Variants in NRF1 observed in about 807,000 individuals in gnomAD.
The protein encoded by NRF1 is nuclear respiratory factor 1.
In NRF1, 5 loss-of-function variants were observed where a neutral mutation model predicts 58.5. The ratio of observed to expected loss-of-function variants is 0.09; its 90% confidence interval spans 0.04 to 0.18. NRF1 has a LOEUF of 0.18. Ranked by LOEUF, NRF1 falls within the 10% of genes least tolerant of loss-of-function variation. The pLI, the probability that NRF1 is intolerant of heterozygous loss-of-function variation, is 1.00. For missense variants in NRF1, 288 were observed against 657.7 expected (o/e 0.44, Z 6.15); for synonymous variants, 224 against 246.7 (o/e 0.91, Z 0.86).
intron 1 of NRF1, among the ~76,000 whole-genome samples, chr7:129,625,796 C>T (rs1415285579): frequency 1.3e-5 from 2 of 151,464 alleles, no homozygotes; most frequent in Non-Finnish European, 1.5e-5. Flanking sequence ...ATTCTCCTGC[C>T]TCAGCCTCCC....
chr7:129,641,556 C>A (rs546413306), intron 1 of NRF1, among the ~76,000 whole-genome samples: 6 of 152,150 alleles, frequency 3.9e-5, no homozygotes, highest in Non-Finnish European at 8.8e-5. Flanking sequence ...TTATTGCATT[C>A]GCTTTCTCTG....
chr7:129,693,567 C>T (rs1219472455), intron 5 of NRF1, among the ~76,000 whole-genome samples: 1 of 151,690 alleles, frequency 6.6e-6, no homozygotes, highest in Non-Finnish European at 1.5e-5. Flanking sequence ...AGCTCATTGG[C>T]TGTTATTAAT....
rs143078701 is a variant in NRF1 at position 129,725,099 on chromosome 7, G to A, written c.1224-2142G>A. ...CATCGAGGCAGAAAGTAGAATGGTGGTTGCCAGGGGCTAGGGAGATGGTAG... is the reference window on the plus strand; with the variant it reads ...CATCGAGGCAGAAAGTAGAATGGTGATTGCCAGGGGCTAGGGAGATGGTAG... On this transcript the variant is annotated intron_variant, in intron 9 of 10. Transcript: ENST00000393232. Among the ~76,000 whole-genome samples the A allele has an allele frequency of 5.9e-3, 897 of 152,244 alleles. 4 individuals carry two copies. The highest frequency in any genetic ancestry group is 0.024 in the Middle Eastern group (7 of 294).
At chr7:129,751,436 C>T (rs1359486515) in intron 10 of NRF1, among the ~76,000 whole-genome samples, 1 of 152,218 alleles carries the variant, frequency 6.6e-6, no homozygotes, top group African/African-American at 2.4e-5. Flanking sequence ...GCATTAGAAC[C>T]TTGCTTCATT....
intron 5 of NRF1, among the ~76,000 whole-genome samples, chr7:129,697,406 G>T (rs937648005): frequency 6.6e-6 from 1 of 151,868 alleles, no homozygotes; most frequent in Non-Finnish European, 1.5e-5. Context: ...AAATCAGCCC[G>T]GTGTGCTGGC....
chr7:129,744,791 T>G (rs1034793890), intron 10 of NRF1, among the ~76,000 whole-genome samples: 1 of 152,118 alleles, frequency 6.6e-6, no homozygotes, highest in Admixed American at 6.5e-5. Flanking sequence ...AAAGTTTTAG[T>G]TTTTTTGTGG....
At position 129,710,236 on chromosome 7, in the gene NRF1, G is replaced by A. The variant is rs537710645; in HGVS notation, c.766-138G>A. 3.6e-5 allele frequency: 25 copies of A among 695,712 alleles called. No individual in the cohort carries two copies. The South Asian group carries it at 4.2e-4, about 12-fold the overall frequency. 43.1% of individuals were successfully genotyped at this position (695,712 alleles called of 1,614,324 possible). A position where few individuals can be genotyped will look rare whatever the true frequency, so the allele number is the denominator to read the frequency against. Reference sequence around the variant, plus strand: ...TTCTTTCTACCAGAACCAGTCTGTGGGAGGTAATCCTAGGAGAGTCTAATA... The same window carrying A: ...TTCTTTCTACCAGAACCAGTCTGTGAGAGGTAATCCTAGGAGAGTCTAATA... On this transcript the variant is annotated intron_variant, in intron 6 of 10. Coordinates refer to ENST00000393232, the MANE Select transcript of NRF1 (RefSeq NM_005011.5).
chr7:129,694,046 G>C (rs1802630367), intron 5 of NRF1, among the ~76,000 whole-genome samples: 2 of 152,208 alleles, frequency 1.3e-5, no homozygotes, highest in South Asian at 2.1e-4. Context: ...GTAGAGCTTG[G>C]TGTGCTGGTG....
At chr7:129,634,259 C>T (rs147916521) in intron 1 of NRF1, among the ~76,000 whole-genome samples, 1 of 152,120 alleles carries the variant, frequency 6.6e-6, no homozygotes, top group African/African-American at 2.4e-5. Context: ...CAAGTTCATT[C>T]TGTGTGTTTG....
chr7:129,670,243 G>A (rs190953834), intron 2 of NRF1, among the ~76,000 whole-genome samples: 5 of 152,292 alleles, frequency 3.3e-5, no homozygotes, highest in African/African-American at 4.8e-5. Context: ...CTGGATAGCC[G>A]TACAACATTG....
intron 1 of NRF1, among the ~76,000 whole-genome samples, chr7:129,636,214 T>TTAA (rs1801165736): frequency 2.0e-5 from 3 of 152,048 alleles, no homozygotes. Flanking sequence ...ATCATCCTGT[T>TTAA]TTTGTTCAAT....
At chr7:129,734,491 C>T (rs905263024) in intron 10 of NRF1, among the ~76,000 whole-genome samples, 2 of 152,192 alleles carry the variant, frequency 1.3e-5, no homozygotes, top group Non-Finnish European at 2.9e-5. Flanking sequence ...CCAGAGGCTG[C>T]TTGCCTTAGT....
At chr7:129,746,775 T>C (rs1803986515) in intron 10 of NRF1, among the ~76,000 whole-genome samples, 1 of 152,250 alleles carries the variant, frequency 6.6e-6, no homozygotes, top group Admixed American at 6.5e-5. Context: ...CATTACGTAA[T>C]GTAAATTTCC....
chr7:129,696,879 A>C (rs1219651766), intron 5 of NRF1, among the ~76,000 whole-genome samples: 3 of 152,204 alleles, frequency 2.0e-5, no homozygotes, highest in Non-Finnish European at 4.4e-5. Flanking sequence ...ACTCAGAGTG[A>C]GAAGATCTAT....
chr7:129,705,793 A>C (rs543073838), intron 5 of NRF1, among the ~76,000 whole-genome samples: 1 of 152,274 alleles, frequency 6.6e-6, no homozygotes, highest in South Asian at 2.1e-4. Flanking sequence ...AAAGAAAAAA[A>C]ATAGCTGGGC....
chr7:129,707,386 T>C (rs1171192925), intron 5 of NRF1, among the ~76,000 whole-genome samples: 1 of 152,248 alleles, frequency 6.6e-6, no homozygotes. Context: ...ATTCTCCTTT[T>C]TGGAAACTGT....
At chr7:129,673,659 G>A (rs1030822846) in intron 3 of NRF1, among the ~76,000 whole-genome samples, 3 of 145,808 alleles carry the variant, frequency 2.1e-5, no homozygotes, top group Non-Finnish European at 4.5e-5. Flanking sequence ...GGAGCTTGCA[G>A]TGAGCGGAGA....
At chr7:129,637,670 A>G (rs1801197262) in intron 1 of NRF1, among the ~76,000 whole-genome samples, 1 of 152,188 alleles carries the variant, frequency 6.6e-6, no homozygotes, top group African/African-American at 2.4e-5. Context: ...AGCAGATTTT[A>G]TAACCTGTTG....
At chr7:129,670,859 CT>C (rs1802032251) in intron 2 of NRF1, among the ~76,000 whole-genome samples, 1 of 152,158 alleles carries the variant, frequency 6.6e-6, no homozygotes, top group Admixed American at 6.5e-5. Flanking sequence ...TGTTGAACAT[CT>C]CCATTTTTGG....
Sources: gnomAD v4.1 joint callset for allele counts (sites outside exome capture counted in the v4.1 genomes callset) on GRCh38, gnomAD v4.1.1 for gene constraint, MANE v1.5 for transcripts, NCBI Gene and HGNC (gene_info 2026-07-23, HGNC 2026-07-21) for gene names.